Variants in NUBP1 observed in about 807,000 individuals in gnomAD.
The protein encoded by NUBP1 is cytosolic Fe-S cluster assembly factor NUBP1.
NUBP1 carries 46 observed loss-of-function variants against 41.8 expected under a neutral mutation model. The ratio of observed to expected loss-of-function variants is 1.10; its 90% CI spans 0.87 to 1.41. The LOEUF is 1.41. Ranked by LOEUF, NUBP1 falls within the 40% of genes most tolerant of loss-of-function variation. The pLI is 0.00. For synonymous variants in NUBP1, 189 were observed against 154.6 expected (o/e 1.22, Z -1.65); for missense variants, 494 against 414.0 (o/e 1.19, Z -1.68).
intron 3 of NUBP1, among the ~76,000 whole-genome samples, chr16:10,747,612 G>A (rs1418393278): frequency 6.6e-6 from 1 of 152,214 alleles, no homozygotes; most frequent in African/African-American, 2.4e-5. Flanking sequence ...TCCAGCCTGG[G>A]TGGCAGAATG....
chr16:10,746,279 T>C (rs1485117419), intron 2 of NUBP1, among the ~76,000 whole-genome samples: 1 of 152,248 alleles, frequency 6.6e-6, no homozygotes, highest in East Asian at 1.9e-4. Flanking sequence ...CATTGGCAGA[T>C]ACTTAGTATG....
At position 10,759,534 on chromosome 16, in the gene NUBP1, G is replaced by A. The variant is rs1044824405; in HGVS notation, c.606+1507G>A. On this transcript the variant is annotated intron_variant, in intron 7 of 10. Transcript: ENST00000283027. This position sits in a 1 kb window ranked among gnomAD's most constrained non-coding sequence, Gnocchi z 4.7. ...CATGTCTGTAATCCCAGCACTTTGG[G>A]AGGCCGAGGCAGGCAGATTACTTGA... Among the ~76,000 whole-genome samples the A allele has an allele frequency of 6.6e-6, 1 of 152,220 alleles. No individual in the cohort carries two copies. The highest frequency in any genetic ancestry group is 1.5e-5 in the Non-Finnish European group (1 of 68,034).
At chr16:10,761,133 T>C (rs1337368907) in intron 7 of NUBP1, 20 of 420,086 alleles carry the variant, frequency 4.8e-5, no homozygotes, top group Non-Finnish European at 2.2e-5. Flanking sequence ...GCCCCCATGA[T>C]CCAATCACCT....
chr16:10,744,193 GA>G, intron 2 of NUBP1, 128 bp downstream of exon 2: 1 of 939,948 alleles, frequency 1.1e-6, no homozygotes, highest in Non-Finnish European at 1.5e-6. Flanking sequence ...TGTATTCGGA[GA>G]GGGGTGGGGC....
At chr16:10,756,821 C>A in intron 6 of NUBP1, 41 bp downstream of exon 6, 7 of 1,525,210 alleles carry the variant, frequency 4.6e-6, no homozygotes, top group Non-Finnish European at 6.3e-6. Context: ...CATTCTTCCA[C>A]GAGCGTTGTG....
rs902374665 is a variant in NUBP1 at position 10,765,125 on chromosome 16, T to C, written c.821-2824T>C. The C allele has an allele frequency of 6.5e-5, 10 of 153,530 alleles. No homozygotes were observed. Among genetic ancestry groups the C allele is most frequent in the Non-Finnish European group, 1.5e-4 (10 of 68,864 alleles). 9.5% of individuals were successfully genotyped at this position (153,530 alleles called of 1,614,324 possible). A position where few individuals can be genotyped will look rare whatever the true frequency, so the allele number is the denominator to read the frequency against. On this transcript the variant is annotated intron_variant, in intron 9 of 10. Transcript: ENST00000283027. This position sits in a 1 kb window ranked among gnomAD's most constrained non-coding sequence, Gnocchi z 4.0. ...GTGGTGGATTTTGGAGCATGGCAGCTGCTGCCAGAGATCCAAGAGGTGTGT... is the reference window on the plus strand; with the variant it reads ...GTGGTGGATTTTGGAGCATGGCAGCCGCTGCCAGAGATCCAAGAGGTGTGT...
chr16:10,752,570 A>G, intron 3 of NUBP1, 40 bp from the exon 4 acceptor site: 1 of 1,540,822 alleles, frequency 6.5e-7, no homozygotes, highest in Non-Finnish European at 9.0e-7. Flanking sequence ...GAGTGTGTGC[A>G]TTCAGTTATA....
chr16:10,754,689 C>T (rs1900474330), intron 4 of NUBP1, among the ~76,000 whole-genome samples: 1 of 152,100 alleles, frequency 6.6e-6, no homozygotes, highest in East Asian at 1.9e-4. Flanking sequence ...GTGAGACAGA[C>T]TGTGGGGGGT....
Position 10,744,139 on chromosome 16 carries a change from G to A in NUBP1, c.124+74G>A, listed in dbSNP as rs1899949084. The A allele has an allele frequency of 2.4e-6, 3 of 1,250,378 alleles. No homozygotes were observed. The South Asian group carries it at 4.2e-5, about 18-fold the overall frequency. The allele number at this position is 1,250,378 out of a possible 1,614,324, so 77.5% of individuals were successfully genotyped here. On this transcript the variant is annotated intron_variant, in intron 2 of 10. Transcript: ENST00000283027. ...AAAAGGCGGGGCGTGGGAGGGAGGG[G>A]GCGGGATCTGCAGAATGACTGACAG...
In NUBP1 at chr16:10,767,022, C is replaced by T. The variant is rs184096814; in HGVS notation, c.821-927C>T. 3.1e-4 allele frequency: 124 copies of T among 398,768 alleles called. No individual in the cohort carries two copies. Among genetic ancestry groups the T allele is most frequent in the African/African-American group, 2.4e-3 (115 of 48,738 alleles). 24.7% of individuals were successfully genotyped at this position (398,768 alleles called of 1,614,324 possible). On this transcript the variant is annotated intron_variant, in intron 9 of 10. Transcript: ENST00000283027. The surrounding 1 kb of genome is among the most constrained non-coding windows in gnomAD (Gnocchi z 4.6). ...TCTTCCCCGACTTGGACTTCCCTGTCCCACAGGGCGACACAGTAGTGAAGT... is the reference window on the plus strand; with the variant it reads ...TCTTCCCCGACTTGGACTTCCCTGTTCCACAGGGCGACACAGTAGTGAAGT...
At position 10,754,183 on chromosome 16, in the gene NUBP1, G is replaced by A. The variant is rs767752307; in HGVS notation, c.327+1505G>A. ...TTTAAGACAAATGGACTTAGCAAAC[G>A]AGTGTAAATAGGAATGAATGGTTTT... On this transcript the variant is annotated intron_variant, in intron 4 of 10. Coordinates refer to ENST00000283027, the MANE Select transcript of NUBP1 (RefSeq NM_002484.4). 5.9e-5 allele frequency among the ~76,000 whole-genome samples: 9 copies of A among 152,120 alleles called. No individual in the cohort carries two copies. In the South Asian group the frequency reaches 1.2e-3, roughly 21 times the overall value.
intron 4 of NUBP1, among the ~76,000 whole-genome samples, chr16:10,754,714 G>A (rs1201815546): frequency 6.6e-6 from 1 of 152,070 alleles, no homozygotes; most frequent in South Asian, 2.1e-4. Flanking sequence ...ACAGCTGAGG[G>A]GTATAGGGAT....
intron 2 of NUBP1, 70 bp downstream of exon 2, chr16:10,744,135 AG>A (rs1899948533): frequency 7.9e-6 from 3 of 382,114 alleles, no homozygotes; most frequent in East Asian, 8.3e-5. Context: ...CGTGGGAGGG[AG>A]GGGGCGGGAT....
intron 4 of NUBP1, among the ~76,000 whole-genome samples, chr16:10,754,617 G>T (rs1459050235): frequency 6.6e-6 from 1 of 152,180 alleles, no homozygotes; most frequent in Non-Finnish European, 1.5e-5. Context: ...CATGAAATGT[G>T]CAGAATAGGT....
chr16:10,753,955 G>A (rs1178329984), intron 4 of NUBP1, among the ~76,000 whole-genome samples: 1 of 152,182 alleles, frequency 6.6e-6, no homozygotes, highest in Non-Finnish European at 1.5e-5. Context: ...TTGCTTCCGA[G>A]GGAGTAGGGA....
At chr16:10,753,300 G>A (rs1366596618) in intron 4 of NUBP1, among the ~76,000 whole-genome samples, 7 of 152,192 alleles carry the variant, frequency 4.6e-5, no homozygotes, top group Non-Finnish European at 1.0e-4. Context: ...CGGAAATTTA[G>A]CTCTGACTGG....
chr16:10,748,163 C>G (rs552524655), intron 3 of NUBP1, among the ~76,000 whole-genome samples: 1 of 152,258 alleles, frequency 6.6e-6, no homozygotes, highest in African/African-American at 2.4e-5. Context: ...GTTGCCCAGG[C>G]TAGTCTTGAA....
rs1441029679 is a variant in NUBP1 at position 10,757,615 on chromosome 16, A to G, written c.452-258A>G. 2.0e-5 allele frequency among the ~76,000 whole-genome samples: 3 copies of G among 152,166 alleles called. No individual in the cohort carries two copies. Among genetic ancestry groups the G allele is most frequent in the East Asian group, 1.9e-4 (1 of 5,186 alleles). ...TCTCCAGACATTGCAATTCACTCCC[A>G]GTTGAGAGCCACTGACTTACAGCAT... is the stretch of plus-strand genomic sequence containing the variant. On this transcript the variant is annotated intron_variant, in intron 6 of 10. Transcript: ENST00000283027. This position sits in a 1 kb window ranked among gnomAD's most constrained non-coding sequence, Gnocchi z 4.1.
chr16:10,752,531 C>T (rs1241872495), intron 3 of NUBP1, 79 bp from the exon 4 acceptor site: 7 of 1,171,532 alleles, frequency 6.0e-6, no homozygotes, highest in Non-Finnish European at 8.9e-6. Flanking sequence ...TTCCTCTAAC[C>T]CCGCTCCCCT....
Sources: gnomAD v4.1 joint callset for allele counts (sites outside exome capture counted in the v4.1 genomes callset) on GRCh38, gnomAD v4.1.1 for gene constraint, Gnocchi (gnomAD v3.1) non-coding constraint, MANE v1.5 for transcripts, NCBI Gene and HGNC (gene_info 2026-07-23, HGNC 2026-07-21) for gene names.